FHIT: variants seen among roughly 807,000 people sequenced by gnomAD.
FHIT encodes the protein bis(5'-adenosyl)-triphosphatase.
Under a neutral mutation model 17.9 loss-of-function variants are expected in FHIT, and 19 were observed. That is an observed-to-expected ratio of 1.06 (90% CI 0.74 to 1.56). The LOEUF (loss-of-function observed/expected upper bound fraction) is 1.56. Among genes scored for constraint, FHIT ranks in the 40% most tolerant of loss-of-function variants. FHIT has a pLI of 0.00. For missense variants in FHIT, 248 were observed against 189.2 expected (o/e 1.31, Z -1.82); for synonymous variants, 81 against 69.7 (o/e 1.16, Z -0.81).
chr3:59,892,286 C>G (rs1703887744), intron 8 of FHIT, among the ~76,000 whole-genome samples: 1 of 152,220 alleles, frequency 6.6e-6, no homozygotes, highest in African/African-American at 2.4e-5. Flanking sequence ...GAGTCCAGTT[C>G]CCAGCATCAG....
At chr3:61,190,101 A>C (rs1304341164) in intron 2 of FHIT, among the ~76,000 whole-genome samples, 1 of 152,058 alleles carries the variant, frequency 6.6e-6, no homozygotes, top group Non-Finnish European at 1.5e-5. Context: ...AATTAAACTA[A>C]AGCACTTCTG....
At chr3:60,315,044 T>C (rs1478712140) in intron 5 of FHIT, among the ~76,000 whole-genome samples, 1 of 152,162 alleles carries the variant, frequency 6.6e-6, no homozygotes, top group East Asian at 1.9e-4. Context: ...AGATAAGAAG[T>C]CTGCCACCCT....
At chr3:60,400,271 T>C (rs191852269) in intron 5 of FHIT, among the ~76,000 whole-genome samples, 30 of 151,978 alleles carry the variant, frequency 2.0e-4, no homozygotes, top group East Asian at 9.7e-4. Flanking sequence ...CATGGAGACA[T>C]GGAGAACAGA....
chr3:60,187,119 A>G (rs1185277135), intron 5 of FHIT, among the ~76,000 whole-genome samples: 1 of 152,186 alleles, frequency 6.6e-6, no homozygotes. Context: ...ATCAAATGGT[A>G]TACATTGTGA....
chr3:60,638,373 A>G (rs2039641506), intron 4 of FHIT, among the ~76,000 whole-genome samples: 1 of 152,194 alleles, frequency 6.6e-6, no homozygotes, highest in African/African-American at 2.4e-5. Context: ...CTTTGCCTTA[A>G]AGCTTAATTG....
intron 1 of FHIT, among the ~76,000 whole-genome samples, chr3:61,224,512 C>T (rs2039918350): frequency 6.6e-6 from 1 of 152,148 alleles, no homozygotes; most frequent in African/African-American, 2.4e-5. Flanking sequence ...CGGGTTCAAG[C>T]AATTCTCCTG....
At chr3:60,258,472 C>A (rs982350652) in intron 5 of FHIT, among the ~76,000 whole-genome samples, 3 of 152,114 alleles carry the variant, frequency 2.0e-5, no homozygotes, top group Non-Finnish European at 2.9e-5. Flanking sequence ...CTGTCCAGTG[C>A]ATTATATCTT....
chr3:59,936,705 G>A (rs1206996480), intron 7 of FHIT, among the ~76,000 whole-genome samples: 1 of 152,022 alleles, frequency 6.6e-6, no homozygotes, highest in Non-Finnish European at 1.5e-5. Context: ...AAATGTTAAG[G>A]GAATTAGCAA....
At position 60,897,466 on chromosome 3, in the gene FHIT, GAT is replaced by G. The variant is rs373719107; in HGVS notation, c.-110-75457_-110-75456del. The stretch of plus-strand genomic sequence containing the variant: ...TATGGTTTTTTGCCATGCCAAAGAG[GAT>G]TTTGTTTAATTTCTAACTTTACACA... On this transcript the variant is annotated intron_variant, in intron 3 of 9. Coordinates refer to ENST00000492590, the MANE Select transcript of FHIT (RefSeq NM_002012.4). 4.0e-3 allele frequency among the ~76,000 whole-genome samples: 605 copies of G among 152,238 alleles called. 3 individuals carry two copies. The highest frequency in any genetic ancestry group is 0.014 in the African/African-American group (566 of 41,536).
chr3:60,652,155 G>C (rs938167320), intron 4 of FHIT, among the ~76,000 whole-genome samples: 1 of 152,146 alleles, frequency 6.6e-6, no homozygotes, highest in East Asian at 1.9e-4. Context: ...GATTGGTGGG[G>C]CTGAAAAGGG....
chr3:61,191,135 G>T (rs1214233219), intron 2 of FHIT, among the ~76,000 whole-genome samples: 1 of 151,922 alleles, frequency 6.6e-6, no homozygotes, highest in Non-Finnish European at 1.5e-5. Flanking sequence ...CACAGGTAAA[G>T]CCCTGTGCTG....
intron 5 of FHIT, among the ~76,000 whole-genome samples, chr3:60,289,462 G>A (rs1337308717): frequency 2.0e-5 from 3 of 152,062 alleles, no homozygotes; most frequent in Non-Finnish European, 4.4e-5. Flanking sequence ...AAGAGGAAAC[G>A]ACTAACAGAA....
intron 5 of FHIT, among the ~76,000 whole-genome samples, chr3:60,061,000 T>C (rs1290890421): frequency 6.6e-6 from 1 of 152,224 alleles, no homozygotes; most frequent in Non-Finnish European, 1.5e-5. Context: ...ACTTTGTTTA[T>C]AGTGGTGGAA....
At chr3:60,537,361 A>C (rs1337196467) in intron 4 of FHIT, 1 of 504,938 alleles carries the variant, frequency 2.0e-6, no homozygotes, top group Non-Finnish European at 2.6e-6. Flanking sequence ...AATTTTCATT[A>C]AGTATTAACT....
intron 5 of FHIT, among the ~76,000 whole-genome samples, chr3:60,317,792 T>C (rs959669379): frequency 3.3e-5 from 5 of 150,136 alleles, no homozygotes; most frequent in East Asian, 3.9e-4. Flanking sequence ...TTTCTTCTTT[T>C]TTTTTTTTTT....
At chr3:60,506,067 T>C (rs1438989862) in intron 5 of FHIT, among the ~76,000 whole-genome samples, 1 of 152,174 alleles carries the variant, frequency 6.6e-6, no homozygotes, top group Non-Finnish European at 1.5e-5. Flanking sequence ...TTTCTTTCAA[T>C]TAATCAACAA....
intron 8 of FHIT, among the ~76,000 whole-genome samples, chr3:59,919,340 G>A (rs1009624986): frequency 6.6e-6 from 1 of 152,144 alleles, no homozygotes; most frequent in Non-Finnish European, 1.5e-5. Flanking sequence ...ATTATGGAGA[G>A]CTAATGATAT....
At chr3:60,575,636 C>T (rs782756736) in intron 4 of FHIT, among the ~76,000 whole-genome samples, 8 of 152,130 alleles carry the variant, frequency 5.3e-5, no homozygotes, top group Non-Finnish European at 8.8e-5. Context: ...CAACTGGCAT[C>T]GGAGACAGAA....
At chr3:60,391,574 T>C (rs1701235293) in intron 5 of FHIT, among the ~76,000 whole-genome samples, 1 of 152,216 alleles carries the variant, frequency 6.6e-6, no homozygotes, top group Non-Finnish European at 1.5e-5. Flanking sequence ...TTACTTCTTA[T>C]ACTGTATTTT....
Sources: allele counts gnomAD v4.1 joint callset (sites outside exome capture counted in the v4.1 genomes callset), GRCh38; gene constraint gnomAD v4.1.1; transcripts MANE v1.5; gene names NCBI Gene and HGNC (gene_info 2026-07-23, HGNC 2026-07-21).